Variants in CCDC63 observed in about 807,000 individuals in gnomAD.
The protein encoded by CCDC63 is coiled-coil domain containing 63, also known as coiled-coil domain-containing protein 63.
Under a neutral mutation model 63.6 loss-of-function variants are expected in CCDC63, and 54 were observed. The ratio of observed to expected loss-of-function variants is 0.85; its 90% CI spans 0.68 to 1.07. The LOEUF (loss-of-function observed/expected upper bound fraction) is 1.07. CCDC63 is among the 50% of genes least tolerant of loss of function. CCDC63 has a pLI of 0.00. For synonymous variants in CCDC63, 253 were observed against 266.1 expected, an observed-to-expected ratio of 0.95 and a Z score of 0.48; for missense variants, 637 against 689.6, an observed-to-expected ratio of 0.92 and a Z score of 0.86.
At chr12:110,871,664 A>G (rs1241821203) in intron 4 of CCDC63, among the ~76,000 whole-genome samples, 1 of 151,192 alleles carries the variant, frequency 6.6e-6, no homozygotes, top group Non-Finnish European at 1.5e-5. Flanking sequence ...ACACATGATG[A>G]GGTGCACGCG....
At chr12:110,868,249 T>G in intron 4 of CCDC63, among the ~76,000 whole-genome samples, 1 of 114,964 alleles carries the variant, frequency 8.7e-6, no homozygotes, top group African/African-American at 3.6e-5. Context: ...CTTTCCAGAC[T>G]GGGCAGCCAG....
intron 8 of CCDC63, among the ~76,000 whole-genome samples, chr12:110,886,963 T>A (rs1265670651): frequency 6.6e-6 from 1 of 152,144 alleles, no homozygotes; most frequent in Admixed American, 6.5e-5. Flanking sequence ...TCGCACAGCA[T>A]CTCCTGCACA....
Position 110,858,617 on chromosome 12 carries a change from G to C in CCDC63, c.211G>C (p.Asp71His). Residue 71 changes from aspartate (D) to histidine (H), a missense_variant, in exon 4 of 12, where the codon GAT (aspartate) becomes CAT (histidine). Physicochemically the swap from Asp to His is moderately conservative, Grantham distance 81. Coordinates refer to ENST00000308208, the MANE Select transcript of CCDC63 (RefSeq NM_152591.3). ...GATCAAGACCCTGAAGACAGAGCAG[G>C]ATGAGATCACCCTACTGTTGAGTCT... ...KEIKTLKTEQDEITLLLSLMK... is the reference protein window; with the variant it reads ...KEIKTLKTEQHEITLLLSLMK... The C allele has an allele frequency of 6.2e-7, 1 of 1,613,754 alleles. No individual in the cohort carries two copies. Among genetic ancestry groups the C allele is most frequent in the South Asian group, 1.1e-5 (1 of 91,006 alleles).
In CCDC63 at chr12:110,876,788, CT is replaced by C. The variant is rs566421952; in HGVS notation, c.489+2830del. On this transcript the variant is annotated intron_variant, in intron 5 of 11. Coordinates refer to ENST00000308208, the MANE Select transcript of CCDC63 (RefSeq NM_152591.3). ...GTGGCTCACATCTATAATCCAAGCA[CT>C]TTGGGAGGCTGAGGTGGGAGGATCA... Among the ~76,000 whole-genome samples the C allele has an allele frequency of 4.5e-3, 676 of 150,972 alleles. 5 individuals carry two copies. The highest frequency in any genetic ancestry group is 0.031 in the Middle Eastern group (9 of 294).
rs201999716 is a variant in CCDC63 at position 110,882,355 on chromosome 12, T to TA, written c.853+1068dup. The stretch of plus-strand genomic sequence containing the variant: ...AGCAAGACCCCATCTCTACAATGAA[T>TA]AAAAAAAAATTAGTTGGGCATAGTG... On this transcript the variant is annotated intron_variant, in intron 7 of 11. Coordinates refer to ENST00000308208, the MANE Select transcript of CCDC63 (RefSeq NM_152591.3). Among the ~76,000 whole-genome samples the TA allele has an allele frequency of 6.6e-3, 1,002 of 151,314 alleles. 16 individuals carry two copies. Among genetic ancestry groups the TA allele is most frequent in the African/African-American group, 0.024 (971 of 41,230 alleles).
At chr12:110,876,594 C>T (rs1288564901) in intron 5 of CCDC63, among the ~76,000 whole-genome samples, 1 of 152,074 alleles carries the variant, frequency 6.6e-6, no homozygotes, top group Non-Finnish European at 1.5e-5. Context: ...CTGCAGAAAC[C>T]GAATGTTTCT....
At position 110,881,152 on chromosome 12, in the gene CCDC63, C is replaced by A. The variant is rs775890946; in HGVS notation, c.709C>A (p.Arg237Ser). Reference sequence around the variant, plus strand: ...GGCTCGAATGGCTGCCATGAAAGACCGCCAGAAGAAGGACACCTCTCAGTA... The same window carrying A: ...GGCTCGAATGGCTGCCATGAAAGACAGCCAGAAGAAGGACACCTCTCAGTA... Reference protein sequence around the residue: ...AMARMAAMKDRQKKDTSQYNL... With the variant: ...AMARMAAMKDSQKKDTSQYNL... Residue 237 changes from arginine (R) to serine (S), a missense_variant, in exon 7 of 12, where the codon CGC becomes AGC. Physicochemically the swap from Arg to Ser is moderately radical, Grantham distance 110 (BLOSUM62 -1). Coordinates refer to ENST00000308208, the MANE Select transcript of CCDC63 (RefSeq NM_152591.3). The A allele has an allele frequency of 2.5e-6, 4 of 1,611,960 alleles. No homozygotes were observed. The Admixed American group carries it at 5.0e-5, about 20-fold the overall frequency.
intron 7 of CCDC63, among the ~76,000 whole-genome samples, chr12:110,883,036 ATT>A (rs11350129): frequency 5.4e-4 from 75 of 137,854 alleles, no homozygotes; most frequent in Non-Finnish European, 5.4e-4. Context: ...CTAATTTTAA[ATT>A]TTTTTTTTTT....
Position 110,898,979 on chromosome 12 carries a change from A to G in CCDC63, c.1196A>G (p.Lys399Arg). 1 of 1,612,934 alleles carries G rather than the reference A, an allele frequency of 6.2e-7. No individual in the cohort carries two copies. The highest frequency in any genetic ancestry group is 8.5e-7 in the Non-Finnish European group (1 of 1,179,560). ...TTEEADMYES[K>R]YGEVSKTLDL... ...GAGGAGGCAGATATGTATGAGAGCAAGTACGGGGAGGTCAGCAAGACCTTG... is the reference window on the plus strand; with the variant it reads ...GAGGAGGCAGATATGTATGAGAGCAGGTACGGGGAGGTCAGCAAGACCTTG... The change falls in exon 10 of 12, where the codon AAG becomes AGG. Residue 399 changes from lysine (K) to arginine (R), a missense_variant. By Grantham distance (26) the Lys-to-Arg change is conservative. Transcript: ENST00000308208.
chr12:110,849,434 T>C (rs904048512), intron 1 of CCDC63, among the ~76,000 whole-genome samples: 1 of 151,902 alleles, frequency 6.6e-6, no homozygotes, highest in Non-Finnish European at 1.5e-5. Flanking sequence ...TGAACCATCA[T>C]GCATGCCTTC....
chr12:110,888,829 CCTTCCTTCCTTCCTTCCTTCCT>C (rs1464219438), intron 8 of CCDC63, among the ~76,000 whole-genome samples: 32 of 138,712 alleles, frequency 2.3e-4, no homozygotes, highest in African/African-American at 9.0e-4. Context: ...TTCCTTCCTT[CCTTCCTTCCTTCCTTCCTTCCT>C]TCCTTCCTTC....
chr12:110,848,910 G>A lies in CCDC63; in HGVS notation c.-97+1805G>A, dbSNP rs972596516. ...AATTGGAGCTGCCCCAAATTCCAGG[G>A]CTGAAAGAGGTCCCAGAGAGAGCAT... is the stretch of plus-strand genomic sequence containing the variant. On this transcript the variant is annotated intron_variant, in intron 1 of 11. Transcript: ENST00000308208. 2.6e-5 allele frequency among the ~76,000 whole-genome samples: 4 copies of A among 152,202 alleles called. No homozygotes were observed. In the South Asian group the frequency reaches 6.2e-4, roughly 24 times the overall value.
chr12:110,858,472 G>T (rs2070807121), intron 3 of CCDC63, 114 bp from the exon 4 acceptor site: 1 of 866,990 alleles, frequency 1.2e-6, no homozygotes, highest in Non-Finnish European at 1.7e-6. Context: ...TTGCCTGCTT[G>T]CTCAGGTGGG....
intron 4 of CCDC63, among the ~76,000 whole-genome samples, chr12:110,870,582 C>T (rs1435808948): frequency 6.6e-6 from 1 of 152,168 alleles, no homozygotes; most frequent in Non-Finnish European, 1.5e-5. Flanking sequence ...AGGATGCATC[C>T]CTCCATCCTC....
chr12:110,905,393 A>G (rs1165637277), intron 11 of CCDC63, among the ~76,000 whole-genome samples: 1 of 152,096 alleles, frequency 6.6e-6, no homozygotes, highest in East Asian at 1.9e-4. Flanking sequence ...TCATGTGGGG[A>G]GCCAGGCCTT....
intron 4 of CCDC63, among the ~76,000 whole-genome samples, chr12:110,861,635 G>A (rs1011834373): frequency 1.2e-4 from 18 of 151,604 alleles, no homozygotes; most frequent in African/African-American, 4.4e-4. Context: ...GCAGTGGTGC[G>A]ATCTCGGCTC....
intron 3 of CCDC63, among the ~76,000 whole-genome samples, chr12:110,855,792 G>A (rs2136646254): frequency 6.6e-6 from 1 of 152,206 alleles, no homozygotes; most frequent in East Asian, 1.9e-4. Flanking sequence ...TGTTGGTCAG[G>A]CTAGTCTCAA....
chr12:110,854,386 C>G (rs2070745019), intron 3 of CCDC63, among the ~76,000 whole-genome samples: 1 of 149,186 alleles, frequency 6.7e-6, no homozygotes, highest in Non-Finnish European at 1.5e-5. Flanking sequence ...CCTCCGCCTC[C>G]CGGGTTCAGG....
At chr12:110,844,488 G>C (rs2070619192), upstream of CCDC63, among the ~76,000 whole-genome samples, 1 of 152,158 alleles carries the variant, frequency 6.6e-6, no homozygotes, top group Non-Finnish European at 1.5e-5. Flanking sequence ...GGGGCAACAT[G>C]CTTTCTTGTT....
Sources: allele counts gnomAD v4.1 joint callset (sites outside exome capture counted in the v4.1 genomes callset), GRCh38; gene constraint gnomAD v4.1.1; transcripts MANE v1.5; gene names NCBI Gene and HGNC (gene_info 2026-07-23, HGNC 2026-07-21).